PRKN: variants seen among roughly 807,000 people sequenced by gnomAD.
PRKN encodes parkin RBR E3 ubiquitin protein ligase.
In PRKN, 56 loss-of-function variants were observed where a neutral mutation model predicts 59.5. The observed-to-expected ratio is 0.94, with a 90% CI of 0.76 to 1.18. The LOEUF (loss-of-function observed/expected upper bound fraction) is 1.18, where lower values mean the gene tolerates loss of function less well. Among genes scored for constraint, PRKN ranks in the 50% most tolerant of loss-of-function variants. The pLI is 0.00. For synonymous variants in PRKN, 250 were observed against 222.1 expected, an observed-to-expected ratio of 1.13 and a Z score of -1.12; for missense variants, 657 against 596.4, an observed-to-expected ratio of 1.10 and a Z score of -1.06.
chr6:161,616,271 G>A (rs1782688833), intron 7 of PRKN, among the ~76,000 whole-genome samples: 2 of 151,850 alleles, frequency 1.3e-5, no homozygotes, highest in African/African-American at 4.9e-5. Flanking sequence ...TTTGCCTCCT[G>A]CTCTCCCTGC....
At position 161,378,706 on chromosome 6, in the gene PRKN, A is replaced by T. The variant is rs993005726; in HGVS notation, c.1167+8088T>A. On this transcript the variant is annotated intron_variant, in intron 10 of 11. Transcript: ENST00000366898. This position sits in a 1 kb window ranked among gnomAD's most constrained non-coding sequence, Gnocchi z 7.3. ...GCCCAGAAGCTGTTGACCTGATGAG[A>T]CGGATGGACCAGGCTTGCACGATGC... Among the ~76,000 whole-genome samples the T allele has an allele frequency of 6.6e-6, 1 of 152,184 alleles. No individual in the cohort carries two copies. Among genetic ancestry groups the T allele is most frequent in the Non-Finnish European group, 1.5e-5 (1 of 68,030 alleles).
chr6:161,628,587 G>A (rs1783180241), intron 7 of PRKN, among the ~76,000 whole-genome samples: 1 of 152,178 alleles, frequency 6.6e-6, no homozygotes, highest in Non-Finnish European at 1.5e-5. Flanking sequence ...TAAACATTTA[G>A]TGCTTGAATA....
At position 161,680,764 on chromosome 6, in the gene PRKN, TATATATA is replaced by T. The variant is rs1225763126; in HGVS notation, c.871+105001_871+105007del. Among the ~76,000 whole-genome samples the T allele has an allele frequency of 2.2e-3, 41 of 18,508 alleles. 1 individual carries two copies. The highest frequency in any genetic ancestry group is 5.5e-3 in the African/African-American group (32 of 5,782). 12.1% of individuals were successfully genotyped at this position (18,508 alleles called of 152,430 possible). On this transcript the variant is annotated intron_variant, in intron 7 of 11. Transcript: ENST00000366898. ...ATATATATATATATATATATATATATATATATATATATTTTTTTTTTTTTTTCTTTTC... is the reference window on the plus strand; with the variant it reads ...ATATATATATATATATATATATATATTATATTTTTTTTTTTTTTTCTTTTC...
chr6:162,170,600 T>C lies in PRKN; in HGVS notation c.534+30531A>G, dbSNP rs562890800. ...TAACAGGTCACACATCCTTGAAATA[T>C]TAGATGAAGGAATTTGTGAAGACAG... On this transcript the variant is annotated intron_variant, in intron 4 of 11. Transcript: ENST00000366898. Among the ~76,000 whole-genome samples, 136 of 152,302 alleles carry C rather than the reference T, an allele frequency of 8.9e-4. 5 individuals carry two copies. The highest frequency in any genetic ancestry group is 3.4e-3 in the Middle Eastern group (1 of 294).
intron 1 of PRKN, among the ~76,000 whole-genome samples, chr6:162,523,439 G>C (rs1402055464): frequency 6.6e-6 from 1 of 152,138 alleles, no homozygotes; most frequent in Non-Finnish European, 1.5e-5. Flanking sequence ...GAAGTGGGTG[G>C]ATCACCTGAG....
At chr6:162,595,019 A>G (rs1781446790) in intron 1 of PRKN, among the ~76,000 whole-genome samples, 1 of 151,928 alleles carries the variant, frequency 6.6e-6, no homozygotes, top group African/African-American at 2.4e-5. Flanking sequence ...CTAAAAATAC[A>G]AAAAATTAGC....
At position 161,779,440 on chromosome 6, in the gene PRKN, C is replaced by CTTTTTTTTTT. The variant is rs10683923; in HGVS notation, c.871+6322_871+6331dup. 9.8e-3 allele frequency among the ~76,000 whole-genome samples: 408 copies of CTTTTTTTTTT among 41,842 alleles called. 126 individuals carry two copies. The highest frequency in any genetic ancestry group is 0.017 in the East Asian group (19 of 1,112). 27.4% of individuals were successfully genotyped at this position (41,842 alleles called of 152,430 possible). A position where few individuals can be genotyped will look rare whatever the true frequency, so the allele number is the denominator to read the frequency against. Reference sequence around the variant, plus strand: ...TTTTTTTCTCTTTTTCTTTTCTTTTCTTTTTTTTTTTTTTTTTTTTTTGAG... The same window carrying CTTTTTTTTTT: ...TTTTTTTCTCTTTTTCTTTTCTTTTCTTTTTTTTTTTTTTTTTTTTTTTTTTTTTTTTGAG... On this transcript the variant is annotated intron_variant, in intron 7 of 11. Coordinates refer to ENST00000366898, the MANE Select transcript of PRKN (RefSeq NM_004562.3).
At chr6:161,853,037 A>G (rs2128222830) in intron 6 of PRKN, among the ~76,000 whole-genome samples, 1 of 152,310 alleles carries the variant, frequency 6.6e-6, no homozygotes, top group South Asian at 2.1e-4. Flanking sequence ...GATTTTCCTA[A>G]AACAATATAT....
At chr6:162,411,578 TC>T in intron 2 of PRKN, among the ~76,000 whole-genome samples, 1 of 152,192 alleles carries the variant, frequency 6.6e-6, no homozygotes, top group East Asian at 1.9e-4. Context: ...ATTTTAAATA[TC>T]ACTGTCATTT....
chr6:161,890,083 T>C (rs1025774003), intron 6 of PRKN, among the ~76,000 whole-genome samples: 1 of 152,188 alleles, frequency 6.6e-6, no homozygotes, highest in Non-Finnish European at 1.5e-5. Context: ...TCCCAACTTC[T>C]ATTATTCTGC....
intron 7 of PRKN, among the ~76,000 whole-genome samples, chr6:161,630,064 G>A (rs1321593612): frequency 1.3e-5 from 2 of 152,104 alleles, no homozygotes; most frequent in Admixed American, 6.5e-5. Flanking sequence ...ACACACCCAC[G>A]GTATCATAAT....
chr6:161,697,550 C>T (rs1786073762), intron 7 of PRKN, among the ~76,000 whole-genome samples: 1 of 152,122 alleles, frequency 6.6e-6, no homozygotes, highest in Non-Finnish European at 1.5e-5. Flanking sequence ...CGTTCTTTAT[C>T]TTTGTTGTTG....
chr6:161,747,896 A>C (rs140372656), intron 7 of PRKN, among the ~76,000 whole-genome samples: 117 of 152,344 alleles, frequency 7.7e-4, no homozygotes, highest in African/African-American at 2.6e-3. Flanking sequence ...GGTTTTCTTG[A>C]AAGTGATGAA....
At chr6:162,115,603 T>C (rs969494579) in intron 4 of PRKN, among the ~76,000 whole-genome samples, 2 of 151,292 alleles carry the variant, frequency 1.3e-5, no homozygotes, top group Non-Finnish European at 2.9e-5. Flanking sequence ...CCAAGTGTTA[T>C]CTGAGAGATC....
intron 6 of PRKN, among the ~76,000 whole-genome samples, chr6:161,929,340 C>T (rs2128240511): frequency 6.6e-6 from 1 of 152,060 alleles, no homozygotes. Context: ...TTAGTGATTG[C>T]CAGAGGCTGG....
chr6:161,595,039 T>C (rs1383570509), intron 7 of PRKN, among the ~76,000 whole-genome samples: 2 of 152,176 alleles, frequency 1.3e-5, no homozygotes, highest in East Asian at 3.9e-4. Context: ...TGGGTACCCT[T>C]TGTGCTATTC....
intron 6 of PRKN, among the ~76,000 whole-genome samples, chr6:161,961,511 A>C (rs749307287): frequency 5.9e-5 from 9 of 152,194 alleles, no homozygotes; most frequent in Non-Finnish European, 1.3e-4. Context: ...TCTTGGGGAA[A>C]ACTTAGCCTA....
At chr6:162,224,791 A>G (rs1778094552) in intron 3 of PRKN, among the ~76,000 whole-genome samples, 1 of 152,250 alleles carries the variant, frequency 6.6e-6, no homozygotes, top group East Asian at 1.9e-4. Flanking sequence ...ATGGCAAAAA[A>G]TTAAGGTTGT....
intron 2 of PRKN, among the ~76,000 whole-genome samples, chr6:162,439,533 T>C (rs1044950737): frequency 6.6e-6 from 1 of 152,158 alleles, no homozygotes; most frequent in African/African-American, 2.4e-5. Flanking sequence ...AAATCCCTAC[T>C]CTGTCCACAT....
Sources: allele counts gnomAD v4.1 joint callset (sites outside exome capture counted in the v4.1 genomes callset), GRCh38; gene constraint gnomAD v4.1.1; non-coding constraint Gnocchi (gnomAD v3.1); transcripts MANE v1.5; gene names NCBI Gene and HGNC (gene_info 2026-07-23, HGNC 2026-07-21).